The following AIFM1 variants were observed in gnomAD, a reference collection of about 807,000 sequenced individuals.
The protein encoded by AIFM1 is apoptosis-inducing factor 1, mitochondrial.
A neutral mutation model predicts 51.7 loss-of-function variants in AIFM1; 3 were observed. That is an observed-to-expected ratio of 0.06 (90% CI 0.03 to 0.15). The LOEUF is 0.15. Among genes scored for constraint, AIFM1 ranks in the 10% least tolerant of loss-of-function variants. The pLI, the probability that AIFM1 is intolerant of heterozygous loss-of-function variation, is 1.00. For missense variants in AIFM1, 330 were observed against 476.8 expected (o/e 0.69, Z 2.87); for synonymous variants, 178 against 179.4 (o/e 0.99, Z 0.06).
chrX:130,155,889 A>G (rs2031146206), intron 2 of AIFM1, among the ~76,000 whole-genome samples: 1 of 112,270 alleles, frequency 8.9e-6, no homozygotes, highest in African/African-American at 3.2e-5. Context: ...CTAATACTAC[A>G]TAGCAATTAA....
intron 12 of AIFM1, among the ~76,000 whole-genome samples, chrX:130,135,293 G>A (rs1024978114): frequency 9.2e-6 from 1 of 109,258 alleles, no homozygotes; most frequent in African/African-American, 3.3e-5. Flanking sequence ...CACCATGTTA[G>A]CCAGGCTGGT....
chrX:130,139,635 C>CAG (rs756424971), intron 8 of AIFM1, among the ~76,000 whole-genome samples, 160 bp downstream of exon 8: 1 of 110,854 alleles, frequency 9.0e-6, no homozygotes, highest in Non-Finnish European at 1.9e-5. Flanking sequence ...ATCTGAGGTG[C>CAG]AGAGAGAGGA....
chrX:130,142,945 G>A (rs946043954), intron 6 of AIFM1, among the ~76,000 whole-genome samples: 1 of 111,996 alleles, frequency 8.9e-6, no homozygotes, highest in African/African-American at 3.2e-5. Flanking sequence ...TGCATTTTAC[G>A]GTTCTTTTCT....
In AIFM1 at chrX:130,156,780, C is replaced by T. The variant is rs5977215; in HGVS notation, c.107-177G>A. ...TAAATACTACAGACAGCTGAATGAACGCTCTTAAGTTGCTGAAGTTTTTAA... is the reference window on the plus strand; with the variant it reads ...TAAATACTACAGACAGCTGAATGAATGCTCTTAAGTTGCTGAAGTTTTTAA... On this transcript the variant is annotated intron_variant, in intron 1 of 15. Transcript: ENST00000287295. Among the ~76,000 whole-genome samples, 13,755 of 111,671 alleles carry T rather than the reference C, an allele frequency of 0.12. 851 individuals are homozygous for T. The highest frequency in any genetic ancestry group is 0.17 in the Non-Finnish European group (9,076 of 53,038).
intron 9 of AIFM1, chrX:130,137,863 G>C: frequency 2.1e-6 from 1 of 469,122 alleles, no homozygotes; most frequent in East Asian, 1.1e-4. Flanking sequence ...GGGAGTTCAA[G>C]ACCAGCCTGA....
chrX:130,142,408 T>C (rs2030609831), intron 6 of AIFM1, among the ~76,000 whole-genome samples: 2 of 111,479 alleles, frequency 1.8e-5, no homozygotes, highest in Middle Eastern at 4.6e-3. Context: ...TCTTATGTTC[T>C]ATTGTATTGC....
intron 11 of AIFM1, 130 bp downstream of exon 11, chrX:130,136,513 G>A: frequency 1.1e-5 from 7 of 642,354 alleles, no homozygotes; most frequent in South Asian, 9.4e-5. Context: ...GGTTAATTCG[G>A]AAAATTATAT....
intron 6 of AIFM1, among the ~76,000 whole-genome samples, chrX:130,144,250 C>T (rs1477829829): frequency 1.8e-5 from 2 of 111,304 alleles, no homozygotes; most frequent in East Asian, 2.8e-4. Flanking sequence ...TTGCAATAAT[C>T]TCTGAAATGG....
At chrX:130,149,764 T>A (rs1315661325) in intron 2 of AIFM1, among the ~76,000 whole-genome samples, 196 bp from the exon 3 acceptor site, 1 of 112,321 alleles carries the variant, frequency 8.9e-6, no homozygotes, top group African/African-American at 3.2e-5. Context: ...GGAAAAAATA[T>A]GTGTAAGCAG....
chrX:130,164,083 G>C (rs1219554494), intron 1 of AIFM1, among the ~76,000 whole-genome samples: 2 of 108,005 alleles, frequency 1.9e-5, no homozygotes, highest in Non-Finnish European at 3.8e-5. Flanking sequence ...CAGAAGAATG[G>C]CGTGAATCCG....
Position 130,145,527 on chromosome X carries a change from G to A in AIFM1, c.648C>T (p.Asp216=). 1.7e-6 allele frequency: 2 copies of A among 1,210,234 alleles called. No individual in the cohort carries two copies. Among genetic ancestry groups the A allele is most frequent in the Non-Finnish European group, 2.2e-6 (2 of 894,221 alleles). ...CACCACCATTCTCAATATGAGGCAG[G>A]TCCTGAGCAGAGACATAGAAAGAAG... ...QPPSFYVSAQ[D]LPHIENGGVA... The change falls in exon 6 of 16, where the codon GAC becomes GAT. Residue 216 remains aspartate, a synonymous_variant. Coordinates refer to ENST00000287295, the MANE Select transcript of AIFM1 (RefSeq NM_004208.4).
Position 130,140,627 on chromosome X carries a change from TCACA to T in AIFM1, c.697-14_697-11del. On this transcript the variant is annotated splice_polypyrimidine_tract_variant and intron_variant, in intron 6 of 15. Transcript: ENST00000287295. ...CATCCAGCTGTACTACCTGGTACAG[TCACA>T]CACATACACAAAAGAGGTAGAGATG... 8.6e-7 allele frequency: 1 copy of T among 1,160,057 alleles called. No individual in the cohort carries two copies. Among genetic ancestry groups the T allele is most frequent in the Non-Finnish European group, 1.2e-6 (1 of 850,974 alleles).
chrX:130,148,871 C>A (rs2124665784), intron 3 of AIFM1, among the ~76,000 whole-genome samples: 1 of 91,274 alleles, frequency 1.1e-5, no homozygotes, highest in East Asian at 3.9e-4. Flanking sequence ...GTTTTCATCT[C>A]TTTTCCATCT....
intron 1 of AIFM1, among the ~76,000 whole-genome samples, chrX:130,157,794 G>A (rs1455963053): frequency 9.3e-6 from 1 of 107,991 alleles, no homozygotes; most frequent in Non-Finnish European, 1.9e-5. Context: ...GTGAAACCCC[G>A]TTAAAAATTA....
intron 8 of AIFM1, among the ~76,000 whole-genome samples, chrX:130,139,427 T>C (rs1007765185): frequency 8.9e-6 from 1 of 111,838 alleles, no homozygotes. Context: ...CCTTGCTTTT[T>C]ATTTAGGTAC....
chrX:130,163,607 G>T (rs891550594), intron 1 of AIFM1, among the ~76,000 whole-genome samples: 3 of 112,041 alleles, frequency 2.7e-5, no homozygotes, highest in Non-Finnish European at 5.6e-5. Flanking sequence ...GGATGGATAT[G>T]TCAGGAAGTC....
rs1045277210 is a variant in AIFM1 at position 130,138,443 on chromosome X, T to G, written c.967+150A>C. 7 of 471,906 alleles carry G rather than the reference T, an allele frequency of 1.5e-5. No individual in the cohort carries two copies. In the African/African-American group the frequency reaches 1.7e-4, roughly 11 times the overall value. 38.9% of individuals were successfully genotyped at this position (471,906 alleles called of 1,213,427 possible). A position where few individuals can be genotyped will look rare whatever the true frequency, so the allele number is the denominator to read the frequency against. ...TCGCGCCACTGCACTCCAGCCTGGGTGACAGAGCGAGACTCCATCTCAAAA... is the reference window on the plus strand; with the variant it reads ...TCGCGCCACTGCACTCCAGCCTGGGGGACAGAGCGAGACTCCATCTCAAAA... On this transcript the variant is annotated intron_variant, in intron 9 of 15. Transcript: ENST00000287295.
chrX:130,130,836 C>A (rs1010110454), intron 14 of AIFM1, among the ~76,000 whole-genome samples: 2 of 112,024 alleles, frequency 1.8e-5, no homozygotes, highest in African/African-American at 6.5e-5. Flanking sequence ...GAAGGGGGCA[C>A]CTTGCTGAGA....
intron 1 of AIFM1, among the ~76,000 whole-genome samples, chrX:130,164,383 GA>G (rs2031462026): frequency 8.9e-6 from 1 of 112,289 alleles, no homozygotes; most frequent in African/African-American, 3.2e-5. Flanking sequence ...ATAGCAACTG[GA>G]AAAACTGTTC....
Sources: allele counts gnomAD v4.1 joint callset (sites outside exome capture counted in the v4.1 genomes callset), GRCh38; gene constraint gnomAD v4.1.1; transcripts MANE v1.5; gene names NCBI Gene and HGNC (gene_info 2026-07-23, HGNC 2026-07-21).